IGSF11: variants seen among roughly 807,000 people sequenced by gnomAD.
IGSF11 encodes CXADR like 1.
In IGSF11, 22 loss-of-function variants were observed where a neutral mutation model predicts 41.0. That is an observed-to-expected ratio of 0.54 (90% CI 0.38 to 0.77). The LOEUF (loss-of-function observed/expected upper bound fraction) is 0.77, where lower values mean the gene tolerates loss of function less well. Ranked by LOEUF, IGSF11 falls within the 30% of genes least tolerant of loss-of-function variation. The pLI is 0.00. For missense variants in IGSF11, 444 were observed against 530.8 expected (o/e 0.84, Z 1.61); for synonymous variants, 219 against 201.3 (o/e 1.09, Z -0.74).
upstream of IGSF11, chr3:119,034,849 C>G (rs547022808): frequency 8.2e-7 from 1 of 1,221,602 alleles, no homozygotes; most frequent in Non-Finnish European, 1.0e-6. Context: ...CCAGGACTAG[C>G]CGACCCCTCG....
At chr3:119,042,694 C>T (rs1457481746) in intron 1 of IGSF11, among the ~76,000 whole-genome samples, 1 of 152,172 alleles carries the variant, frequency 6.6e-6, no homozygotes, top group Non-Finnish European at 1.5e-5. Context: ...ACTCTGGTAG[C>T]TGAAGACAAA....
At chr3:119,046,609 G>T (rs1311509620) in intron 1 of IGSF11, among the ~76,000 whole-genome samples, 1 of 151,846 alleles carries the variant, frequency 6.6e-6, no homozygotes, top group Non-Finnish European at 1.5e-5. Flanking sequence ...ATCTAGCAAG[G>T]CAGGCCAACA....
chr3:118,926,329 A>T, intron 3 of IGSF11, 73 bp from the exon 4 acceptor site: 3 of 1,206,436 alleles, frequency 2.5e-6, no homozygotes, highest in Non-Finnish European at 3.5e-6. Flanking sequence ...AGACATCAAC[A>T]TTCAGTACAT....
intron 1 of IGSF11, among the ~76,000 whole-genome samples, chr3:119,086,487 G>GA (rs113078576): frequency 0.031 from 4,480 of 146,146 alleles, 205 homozygotes; most frequent in African/African-American, 0.11. Flanking sequence ...GGAGGGGGAG[G>GA]AAAAAAAAAA....
At chr3:119,017,776 CTT>C (rs567222914) in intron 1 of IGSF11, among the ~76,000 whole-genome samples, 10,677 of 99,730 alleles carry the variant, frequency 0.11, 284 homozygotes, top group East Asian at 0.18. Flanking sequence ...GTTTGTTTTA[CTT>C]TTTTTTTTTT....
At chr3:118,953,446 C>G (rs186325238) in intron 1 of IGSF11, among the ~76,000 whole-genome samples, 17 of 152,248 alleles carry the variant, frequency 1.1e-4, no homozygotes, top group Admixed American at 7.8e-4. Flanking sequence ...GGTAGTTCTA[C>G]TTTTATTAAT....
At chr3:118,962,986 A>G (rs1433640859) in intron 1 of IGSF11, among the ~76,000 whole-genome samples, 1 of 152,190 alleles carries the variant, frequency 6.6e-6, no homozygotes, top group Non-Finnish European at 1.5e-5. Flanking sequence ...AGTCTTTACA[A>G]AAGCAATTGC....
At chr3:119,136,032 G>T (rs1208029000) in intron 1 of IGSF11, among the ~76,000 whole-genome samples, 1 of 152,128 alleles carries the variant, frequency 6.6e-6, no homozygotes, top group Non-Finnish European at 1.5e-5. Flanking sequence ...TTGGACACGG[G>T]GAAGGGAACA....
chr3:119,144,867 A>C (rs1228329934), intron 1 of IGSF11, among the ~76,000 whole-genome samples: 1 of 152,160 alleles, frequency 6.6e-6, no homozygotes, highest in Non-Finnish European at 1.5e-5. Context: ...TTATATTTCT[A>C]TGATTATTAC....
At chr3:119,060,192 C>G (rs1415267626) in intron 1 of IGSF11, among the ~76,000 whole-genome samples, 1 of 152,200 alleles carries the variant, frequency 6.6e-6, no homozygotes, top group Admixed American at 6.5e-5. Context: ...CTGTTGCTTG[C>G]AACCAAGAAC....
chr3:118,914,167 A>G (rs893612650), intron 4 of IGSF11, among the ~76,000 whole-genome samples: 1 of 152,340 alleles, frequency 6.6e-6, no homozygotes, highest in East Asian at 1.9e-4. Flanking sequence ...AAAAAATATT[A>G]TAAAGAATAT....
intron 1 of IGSF11, among the ~76,000 whole-genome samples, chr3:119,084,373 A>T (rs930082803): frequency 6.6e-6 from 1 of 152,142 alleles, no homozygotes; most frequent in African/African-American, 2.4e-5. Flanking sequence ...GATGGAGGAC[A>T]TCCCACTTGC....
chr3:118,965,867 G>A (rs1945639690), intron 1 of IGSF11, among the ~76,000 whole-genome samples: 1 of 152,028 alleles, frequency 6.6e-6, no homozygotes. Context: ...CATTTTAGAG[G>A]GATGAAAGAA....
At chr3:118,986,167 A>C (rs931182185) in intron 1 of IGSF11, among the ~76,000 whole-genome samples, 10 of 152,034 alleles carry the variant, frequency 6.6e-5, no homozygotes, top group African/African-American at 2.4e-4. Flanking sequence ...TCAAAAATCC[A>C]TTGCTTTACC....
At chr3:118,942,743 G>C (rs1174495039) in intron 1 of IGSF11, among the ~76,000 whole-genome samples, 1 of 152,148 alleles carries the variant, frequency 6.6e-6, no homozygotes, top group Non-Finnish European at 1.5e-5. Flanking sequence ...GCCTATCTTT[G>C]TCAAGTTGTC....
intron 1 of IGSF11, among the ~76,000 whole-genome samples, chr3:118,931,633 T>C (rs1012960455): frequency 3.3e-5 from 5 of 152,006 alleles, no homozygotes; most frequent in African/African-American, 1.2e-4. Context: ...CACCCGGGGA[T>C]ACACAGGCAT....
chr3:119,112,513 C>G (rs2077192898), intron 1 of IGSF11: 1 of 152,272 alleles, frequency 6.6e-6, no homozygotes, highest in Admixed American at 6.6e-5. Flanking sequence ...TTTCCTTGAC[C>G]AGGAAAGGGA....
At chr3:119,053,099 C>T (rs1941691807) in intron 1 of IGSF11, among the ~76,000 whole-genome samples, 1 of 152,036 alleles carries the variant, frequency 6.6e-6, no homozygotes, top group Non-Finnish European at 1.5e-5. Flanking sequence ...ACAAGGATGC[C>T]CACTTTCACC....
At chr3:119,034,424 C>T in intron 1 of IGSF11, 107 bp downstream of exon 1, 4 of 1,142,840 alleles carry the variant, frequency 3.5e-6, no homozygotes, top group South Asian at 2.2e-5. Context: ...GTTGGACTCC[C>T]GACCCTCGGC....
Sources: allele counts gnomAD v4.1 joint callset (sites outside exome capture counted in the v4.1 genomes callset), GRCh38; gene constraint gnomAD v4.1.1; transcripts MANE v1.5; gene names NCBI Gene and HGNC (gene_info 2026-07-23, HGNC 2026-07-21).